Variants in FSTL5 observed in about 807,000 individuals in gnomAD.
FSTL5 encodes the protein follistatin-related protein 5.
FSTL5 carries 62 observed loss-of-function variants against 89.1 expected under a neutral mutation model. The observed-to-expected ratio is 0.70, with a 90% confidence interval of 0.57 to 0.86. FSTL5 has a LOEUF of 0.86. Among genes scored for constraint, FSTL5 ranks in the 40% least tolerant of loss-of-function variants. The pLI, the probability that FSTL5 is intolerant of heterozygous loss-of-function variation, is 0.00. For synonymous variants in FSTL5, 383 were observed against 346.2 expected, an observed-to-expected ratio of 1.11 and a Z score of -1.18; for missense variants, 1,057 against 1,001.6, an observed-to-expected ratio of 1.06 and a Z score of -0.75.
chr4:162,141,964 G>A (rs190432892), intron 1 of FSTL5, among the ~76,000 whole-genome samples: 10 of 152,264 alleles, frequency 6.6e-5, no homozygotes, highest in African/African-American at 2.4e-4. Context: ...CCATCATTGA[G>A]AGCAGTGGTT....
intron 1 of FSTL5, among the ~76,000 whole-genome samples, chr4:162,123,798 T>C (rs1396374684): frequency 1.3e-5 from 2 of 148,866 alleles, no homozygotes; most frequent in Non-Finnish European, 3.0e-5. Flanking sequence ...TTTGGACCAG[T>C]GTCTCAAGTT....
intron 6 of FSTL5, among the ~76,000 whole-genome samples, chr4:161,694,900 G>T (rs1579027665): frequency 8.1e-6 from 1 of 122,712 alleles, no homozygotes; most frequent in South Asian, 2.5e-4. Context: ...TGTAATCACT[G>T]AAGTCTTTAT....
chr4:161,616,669 G>T (rs950967729), intron 7 of FSTL5, among the ~76,000 whole-genome samples: 1 of 151,910 alleles, frequency 6.6e-6, no homozygotes, highest in African/African-American at 2.4e-5. Flanking sequence ...TAATACAGAA[G>T]GGAATAACAC....
intron 4 of FSTL5, among the ~76,000 whole-genome samples, chr4:161,849,468 A>C (rs1187136061): frequency 4.6e-5 from 7 of 151,830 alleles, no homozygotes. Context: ...CTGCTACTAC[A>C]CTACATATGG....
intron 6 of FSTL5, among the ~76,000 whole-genome samples, chr4:161,742,854 A>C (rs1740074379): frequency 6.6e-6 from 1 of 152,196 alleles, no homozygotes; most frequent in Non-Finnish European, 1.5e-5. Flanking sequence ...TTGGCAGATG[A>C]CCAAAAAGTA....
At chr4:161,750,276 C>T (rs1483195358) in intron 6 of FSTL5, among the ~76,000 whole-genome samples, 2 of 151,844 alleles carry the variant, frequency 1.3e-5, no homozygotes, top group African/African-American at 4.8e-5. Context: ...TTACACTGTC[C>T]AAGAGGGTAG....
intron 7 of FSTL5, among the ~76,000 whole-genome samples, chr4:161,588,594 T>C (rs988280234): frequency 1.3e-5 from 2 of 152,204 alleles, no homozygotes; most frequent in African/African-American, 4.8e-5. Flanking sequence ...TGGTAATGAC[T>C]ATTCTGGCAA....
intron 3 of FSTL5, among the ~76,000 whole-genome samples, chr4:162,017,257 A>G (rs954901971): frequency 6.6e-6 from 1 of 152,174 alleles, no homozygotes; most frequent in African/African-American, 2.4e-5. Context: ...ATCTGCAAGC[A>G]TGTTCTCAGA....
chr4:161,672,740 AG>A (rs1737161198), intron 6 of FSTL5, among the ~76,000 whole-genome samples: 1 of 145,322 alleles, frequency 6.9e-6, no homozygotes, highest in South Asian at 2.5e-4. Context: ...AAAAAAAAAA[AG>A]TAAGGTGTTT....
intron 3 of FSTL5, among the ~76,000 whole-genome samples, chr4:162,024,374 A>G (rs1737202271): frequency 6.6e-6 from 1 of 151,866 alleles, no homozygotes; most frequent in Non-Finnish European, 1.5e-5. Context: ...GACCTGACAG[A>G]TATTTTGTCT....
chr4:161,698,393 T>C (rs1240079679), intron 6 of FSTL5, among the ~76,000 whole-genome samples: 3 of 152,218 alleles, frequency 2.0e-5, no homozygotes, highest in East Asian at 3.9e-4. Flanking sequence ...AGATGTTAAT[T>C]AAATGATGCA....
At chr4:161,999,493 T>A (rs909784734) in intron 3 of FSTL5, among the ~76,000 whole-genome samples, 6 of 152,208 alleles carry the variant, frequency 3.9e-5, no homozygotes, top group African/African-American at 1.4e-4. Context: ...TCTTGAAATA[T>A]CCTTTCGTGT....
At chr4:161,642,084 C>A (rs1040900051) in intron 7 of FSTL5, among the ~76,000 whole-genome samples, 4 of 152,092 alleles carry the variant, frequency 2.6e-5, no homozygotes, top group Non-Finnish European at 5.9e-5. Context: ...AGAGATGCAG[C>A]TTGATGATTC....
intron 6 of FSTL5, among the ~76,000 whole-genome samples, chr4:161,716,452 C>A (rs940323225): frequency 7.2e-5 from 11 of 151,890 alleles, no homozygotes; most frequent in Admixed American, 7.2e-4. Context: ...CCAAAGTGAG[C>A]CGAGTTTGGT....
chr4:161,752,196 G>A (rs1203763606), intron 6 of FSTL5, among the ~76,000 whole-genome samples: 1 of 151,714 alleles, frequency 6.6e-6, no homozygotes, highest in Non-Finnish European at 1.5e-5. Flanking sequence ...AACCACTATA[G>A]ATGTTAAATA....
At chr4:161,537,138 T>C (rs946841528) in intron 10 of FSTL5, among the ~76,000 whole-genome samples, 2 of 152,134 alleles carry the variant, frequency 1.3e-5, no homozygotes, top group African/African-American at 4.8e-5. Context: ...TCTTTCTCAA[T>C]GGATCCACTC....
chr4:161,869,694 C>T (rs1223685195), intron 4 of FSTL5, among the ~76,000 whole-genome samples: 1 of 152,184 alleles, frequency 6.6e-6, no homozygotes, highest in East Asian at 1.9e-4. Flanking sequence ...ACAAAGAATT[C>T]TCTGGCTGAA....
At chr4:161,845,065 C>G (rs759871292) in intron 4 of FSTL5, among the ~76,000 whole-genome samples, 3 of 152,032 alleles carry the variant, frequency 2.0e-5, no homozygotes, top group African/African-American at 4.8e-5. Context: ...AGAAATAGAA[C>G]AGAAAACAAC....
intron 4 of FSTL5, among the ~76,000 whole-genome samples, chr4:161,839,576 T>A (rs1305446670): frequency 6.6e-6 from 1 of 152,030 alleles, no homozygotes; most frequent in Non-Finnish European, 1.5e-5. Flanking sequence ...TCACAAACTA[T>A]ATATTAAATA....
Sources: allele counts gnomAD v4.1 joint callset (sites outside exome capture counted in the v4.1 genomes callset), GRCh38; gene constraint gnomAD v4.1.1; transcripts MANE v1.5; gene names NCBI Gene and HGNC (gene_info 2026-07-23, HGNC 2026-07-21).